The following SPATA13 variants were observed in gnomAD, a reference collection of about 807,000 sequenced individuals.
The protein encoded by SPATA13 is spermatogenesis-associated protein 13.
Under a neutral mutation model 104.0 loss-of-function variants are expected in SPATA13, and 50 were observed. The observed-to-expected ratio is 0.48, with a 90% confidence interval of 0.38 to 0.61. The LOEUF (loss-of-function observed/expected upper bound fraction) is 0.61. Ranked by LOEUF, SPATA13 falls within the 20% of genes least tolerant of loss-of-function variation. The pLI is 0.00. For missense variants in SPATA13, 1,524 were observed against 1,690.6 expected, an observed-to-expected ratio of 0.90 and a Z score of 1.73; for synonymous variants, 606 against 667.5, an observed-to-expected ratio of 0.91 and a Z score of 1.42.
chr13:24,108,245 A>C (rs1880519163), intron 3 of SPATA13, among the ~76,000 whole-genome samples: 1 of 152,254 alleles, frequency 6.6e-6, no homozygotes, highest in South Asian at 2.1e-4. Flanking sequence ...TCTTAATGCC[A>C]ACATATTGTT....
chr13:24,200,111 C>A (rs1289085207), intron 1 of SPATA13, among the ~76,000 whole-genome samples: 1 of 152,184 alleles, frequency 6.6e-6, no homozygotes, highest in Non-Finnish European at 1.5e-5. Context: ...CTTGTACAAA[C>A]CCCTTCAACG....
chr13:24,021,654 G>A (rs1033379748), intron 3 of SPATA13, among the ~76,000 whole-genome samples: 1 of 152,106 alleles, frequency 6.6e-6, no homozygotes, highest in East Asian at 1.9e-4. Flanking sequence ...TATACGCCGT[G>A]CATTGGGCAT....
chr13:24,198,827 C>G (rs1870237886), intron 1 of SPATA13, among the ~76,000 whole-genome samples: 1 of 152,116 alleles, frequency 6.6e-6, no homozygotes, highest in Non-Finnish European at 1.5e-5. Flanking sequence ...CAGGTGTCAG[C>G]TAATAAGCAG....
chr13:24,160,177 C>G (rs1882409846), upstream of SPATA13, among the ~76,000 whole-genome samples: 1 of 152,230 alleles, frequency 6.6e-6, no homozygotes, highest in Non-Finnish European at 1.5e-5. Flanking sequence ...GCACGGTTGC[C>G]CCGGAGATGA....
At chr13:24,115,607 A>G (rs1217233669) in intron 3 of SPATA13, among the ~76,000 whole-genome samples, 1 of 152,256 alleles carries the variant, frequency 6.6e-6, no homozygotes, top group Non-Finnish European at 1.5e-5. Context: ...TGTCTTCTAC[A>G]AAACCAGTCC....
At chr13:24,152,444 C>T (rs1426867140) in intron 3 of SPATA13, among the ~76,000 whole-genome samples, 1 of 152,234 alleles carries the variant, frequency 6.6e-6, no homozygotes, top group African/African-American at 2.4e-5. Context: ...CTGTCTGACA[C>T]CCATCCTGTC....
chr13:24,280,517 C>CTTTTTTTTTTT (rs1875420600), intron 4 of SPATA13, among the ~76,000 whole-genome samples: 1 of 148,590 alleles, frequency 6.7e-6, no homozygotes. Context: ...GGCTCAACCA[C>CTTTTTTTTTTT]GGTTTAAATT....
intron 1 of SPATA13, among the ~76,000 whole-genome samples, chr13:24,215,458 C>T (rs1397498698): frequency 6.6e-6 from 1 of 152,154 alleles, no homozygotes. Context: ...CATCCCCTAC[C>T]TTAAGACCTG....
chr13:24,081,895 T>C (rs1317639950), intron 3 of SPATA13, among the ~76,000 whole-genome samples: 1 of 152,190 alleles, frequency 6.6e-6, no homozygotes, highest in Non-Finnish European at 1.5e-5. Context: ...ATAAGTTACC[T>C]GGGCCCTGTT....
chr13:24,284,949 G>A (rs1566192587), intron 5 of SPATA13, among the ~76,000 whole-genome samples: 1 of 152,194 alleles, frequency 6.6e-6, no homozygotes, highest in Non-Finnish European at 1.5e-5. Context: ...CAGAGCTGGA[G>A]GCACCCATGT....
At chr13:23,988,058 C>A (rs1875237415) in intron 2 of SPATA13, among the ~76,000 whole-genome samples, 1 of 152,020 alleles carries the variant, frequency 6.6e-6, no homozygotes, top group South Asian at 2.1e-4. Context: ...ATTCTCCTGC[C>A]TCAGCCTCCT....
Position 24,088,014 on chromosome 13 carries a change from A to G in SPATA13, c.-112+70313A>G, listed in dbSNP as rs1422234880. Among the ~76,000 whole-genome samples, 1 of 152,336 alleles carries G rather than the reference A, an allele frequency of 6.6e-6. No individual in the cohort carries two copies. The highest frequency in any genetic ancestry group is 2.4e-5 in the African/African-American group (1 of 41,572). Reference sequence around the variant, plus strand: ...CTGCCTTTGTCCAGCTGTATTTAGTAACAATTTTATAATGTCTCAACAGCT... The same window carrying G: ...CTGCCTTTGTCCAGCTGTATTTAGTGACAATTTTATAATGTCTCAACAGCT... On this transcript the variant is annotated intron_variant, in intron 3 of 14. Coordinates refer to the SPATA13 transcript ENST00000424834. The surrounding 1 kb of genome is among the most constrained non-coding windows in gnomAD (Gnocchi z 4.3).
chr13:24,171,194 TC>T (rs1041615071), intron 1 of SPATA13, among the ~76,000 whole-genome samples: 2 of 152,058 alleles, frequency 1.3e-5, no homozygotes, highest in African/African-American at 4.8e-5. Flanking sequence ...TGGTTTTAGA[TC>T]CCCAGGAAAT....
At chr13:23,995,595 G>A (rs552858104) in intron 2 of SPATA13, among the ~76,000 whole-genome samples, 1 of 152,248 alleles carries the variant, frequency 6.6e-6, no homozygotes, top group African/African-American at 2.4e-5. Flanking sequence ...GTGAGGTCAT[G>A]GAATTTCATC....
intron 2 of SPATA13, among the ~76,000 whole-genome samples, chr13:24,231,874 A>AT (rs1161486629): frequency 6.6e-6 from 1 of 152,190 alleles, no homozygotes; most frequent in East Asian, 1.9e-4. Context: ...ACGTCGTTTC[A>AT]TGTGGTTATT....
intron 2 of SPATA13, among the ~76,000 whole-genome samples, chr13:23,998,613 C>T (rs184803859): frequency 1.8e-4 from 27 of 152,226 alleles, no homozygotes; most frequent in Admixed American, 4.6e-4. Context: ...TTTTAGGGAT[C>T]GTGATTTTTT....
At chr13:24,130,763 C>T (rs1456778566) in intron 3 of SPATA13, among the ~76,000 whole-genome samples, 2 of 152,212 alleles carry the variant, frequency 1.3e-5, no homozygotes, top group Non-Finnish European at 2.9e-5. Context: ...CAGAAATCAA[C>T]AGAACCTGCA....
At chr13:24,082,959 A>AT (rs767224725) in intron 3 of SPATA13, among the ~76,000 whole-genome samples, 1 of 151,606 alleles carries the variant, frequency 6.6e-6, no homozygotes. Flanking sequence ...TAAGAGTAGT[A>AT]TTTTTTGTGT....
intron 2 of SPATA13, among the ~76,000 whole-genome samples, chr13:24,228,205 C>T (rs1872062869): frequency 6.6e-6 from 1 of 151,152 alleles, no homozygotes; most frequent in Non-Finnish European, 1.5e-5. Context: ...GCTCCACCTC[C>T]CGGGTTCACG....
Sources: gnomAD v4.1 joint callset for allele counts (sites outside exome capture counted in the v4.1 genomes callset) on GRCh38, gnomAD v4.1.1 for gene constraint, Gnocchi (gnomAD v3.1) non-coding constraint, MANE v1.5 for transcripts, NCBI Gene and HGNC (gene_info 2026-07-23, HGNC 2026-07-21) for gene names.